The following TPT1 variants were observed in gnomAD, a reference collection of about 807,000 sequenced individuals.
The protein encoded by TPT1 is translationally-controlled tumor protein.
TPT1 carries 5 observed loss-of-function variants against 22.8 expected under a neutral mutation model. The ratio of observed to expected loss-of-function variants is 0.22; its 90% CI spans 0.11 to 0.46. TPT1 has a LOEUF of 0.46. Ranked by LOEUF, TPT1 falls within the 20% of genes least tolerant of loss-of-function variation. The probability of loss-of-function intolerance (pLI) is 0.99; values close to 1 mark genes in which losing one functional copy is unlikely to be tolerated. For missense variants in TPT1, 130 were observed against 218.7 expected (o/e 0.59, Z 2.56); for synonymous variants, 89 against 73.6 (o/e 1.21, Z -1.07).
chr13:45,340,550 G>T (rs540150334), intron 2 of TPT1, 162 bp downstream of exon 2: 1 of 922,118 alleles, frequency 1.1e-6, no homozygotes, highest in Non-Finnish European at 1.7e-6. Context: ...CTATTTCCAG[G>T]ATCAGCTCCG....
At position 45,337,099 on chromosome 13, in the gene TPT1, C is replaced by T; in HGVS notation, c.*287G>A. The stretch of plus-strand genomic sequence containing the variant: ...TAATTGATGAGTAGTAGCCTACAAT[C>T]AGGCTCTAGCTTCTCCAGGAACACT... On this transcript the variant is annotated 3_prime_UTR_variant, in exon 6 of 6. Transcript: ENST00000530705. 1 of 469,134 alleles carries T rather than the reference C, an allele frequency of 2.1e-6. No individual in the cohort carries two copies. Among genetic ancestry groups the T allele is most frequent in the South Asian group, 2.4e-5 (1 of 41,190 alleles). 29.1% of individuals were successfully genotyped at this position (469,134 alleles called of 1,614,324 possible).
Position 45,341,145 on chromosome 13 carries a change from G to T in TPT1, c.-76C>A. ...AACTCGGAGCGAGCGCGGTGCAGCC[G>T]GAGCGGCGCTCGGGGGGAGGGGGGA... On this transcript the variant is annotated 5_prime_UTR_variant, in exon 1 of 6. Coordinates refer to ENST00000530705, the MANE Select transcript of TPT1 (RefSeq NM_003295.4). 1.3e-6 allele frequency: 2 copies of T among 1,585,688 alleles called. No homozygotes were observed. Among genetic ancestry groups the T allele is most frequent in the South Asian group, 1.1e-5 (1 of 88,262 alleles).
chr13:45,340,688 C>A (rs1378288184), intron 2 of TPT1, 24 bp downstream of exon 2: 4 of 1,560,084 alleles, frequency 2.6e-6, no homozygotes, highest in South Asian at 1.2e-5. Context: ...CGGACTCCCC[C>A]ACGCGCAGGC....
Position 45,336,960 on chromosome 13 carries a change from CTT to C in TPT1, c.*424_*425del. ...GTGATGAAATGGGTAAGGCTCCACACTTCAGATGTTGGCACTGCTATGAGCAT... is the reference window on the plus strand; with the variant it reads ...GTGATGAAATGGGTAAGGCTCCACACCAGATGTTGGCACTGCTATGAGCAT... On this transcript the variant is annotated 3_prime_UTR_variant, in exon 6 of 6. Transcript: ENST00000530705. 5.4e-6 allele frequency: 1 copy of C among 184,358 alleles called. No individual in the cohort carries two copies. The highest frequency in any genetic ancestry group is 1.1e-5 in the Non-Finnish European group (1 of 87,866). The allele number at this position is 184,358 out of a possible 1,614,324, so 11.4% of individuals were successfully genotyped here.
chr13:45,339,871 C>T, intron 3 of TPT1, 123 bp downstream of exon 3: 2 of 1,107,972 alleles, frequency 1.8e-6, no homozygotes, highest in South Asian at 1.6e-5. Flanking sequence ...TCCGTGAACT[C>T]ATTAATAAAA....
chr13:45,340,656 G>A (rs754376272), intron 2 of TPT1, 56 bp downstream of exon 2: 14 of 1,541,624 alleles, frequency 9.1e-6, no homozygotes, highest in Middle Eastern at 1.7e-4. Context: ...GGGGAGCGGA[G>A]GAAACCCGAG....
At chr13:45,338,288 T>A (rs1265625927) in intron 5 of TPT1, 2 of 225,382 alleles carry the variant, frequency 8.9e-6, no homozygotes, top group Non-Finnish European at 8.6e-6. Context: ...CCTGGCTAAT[T>A]TTTGTATTTT....
rs1404035388 is a variant in TPT1, at chr13:45,336,065, G to A, written c.*1321C>T. The A allele has an allele frequency of 6.6e-6, 1 of 152,196 alleles. No individual in the cohort carries two copies. Among genetic ancestry groups the A allele is most frequent in the East Asian group, 1.9e-4 (1 of 5,196 alleles). 9.4% of individuals were successfully genotyped at this position (152,196 alleles called of 1,614,324 possible). ...CCCTCCCAGGCTAGGCCTGCACTTT[G>A]GGAGGCTGAGGTGGGCAGATCTCCT... On this transcript the variant is annotated 3_prime_UTR_variant, in exon 6 of 6. Transcript: ENST00000530705.
rs1062420 is a variant in TPT1, at chr13:45,337,036, T to C, written c.*350A>G. On this transcript the variant is annotated 3_prime_UTR_variant, in exon 6 of 6. Coordinates refer to ENST00000530705, the MANE Select transcript of TPT1 (RefSeq NM_003295.4). ...AAAATCAGAACCTTTGATTCTTTTT[T>C]ATATTCCAGTCCCAGAAGTAGTCTC... 0.05 allele frequency: 14,137 copies of C among 280,806 alleles called. 1,104 individuals are homozygous for C. The highest frequency in any genetic ancestry group is 0.21 in the African/African-American group (9,315 of 44,500). 17.4% of individuals were successfully genotyped at this position (280,806 alleles called of 1,614,324 possible).
At chr13:45,337,835 A>C (rs982712524) in intron 5 of TPT1, among the ~76,000 whole-genome samples, 3 of 152,212 alleles carry the variant, frequency 2.0e-5, no homozygotes, top group African/African-American at 7.2e-5. Context: ...AAACTAGGAT[A>C]ATGAATGCCT....
rs1748657220 is a variant in TPT1, at chr13:45,335,234, G to T, written c.*2152C>A. 6.6e-6 allele frequency: 1 copy of T among 152,094 alleles called. No homozygotes were observed. The highest frequency in any genetic ancestry group is 2.4e-5 in the African/African-American group (1 of 41,396). The allele number at this position is 152,094 out of a possible 1,614,324, so 9.4% of individuals were successfully genotyped here. A position where few individuals can be genotyped will look rare whatever the true frequency, so the allele number is the denominator to read the frequency against. On this transcript the variant is annotated 3_prime_UTR_variant, in exon 6 of 6. Transcript: ENST00000530705. ...AAGATTCTACCTGGAATCTTCAAAG[G>T]TTTACCATGAGGTAAACAGCTGGGG...
chr13:45,337,835 A>G (rs982712524), intron 5 of TPT1, among the ~76,000 whole-genome samples: 2 of 152,212 alleles, frequency 1.3e-5, no homozygotes, highest in African/African-American at 4.8e-5. Context: ...AAACTAGGAT[A>G]ATGAATGCCT....
rs567748204 is a variant in TPT1, at chr13:45,337,117, G to A, written c.*269C>T. ...CTACAATCAGGCTCTAGCTTCTCCA[G>A]GAACACTACAGGATCAATTTAGTTT... On this transcript the variant is annotated 3_prime_UTR_variant, in exon 6 of 6. Transcript: ENST00000530705. 2.0e-6 allele frequency: 1 copy of A among 507,510 alleles called. No individual in the cohort carries two copies. The highest frequency in any genetic ancestry group is 2.3e-5 in the South Asian group (1 of 43,888). 31.4% of individuals were successfully genotyped at this position (507,510 alleles called of 1,614,324 possible). A position where few individuals can be genotyped will look rare whatever the true frequency, so the allele number is the denominator to read the frequency against.
Position 45,340,929 on chromosome 13 carries a change from C to T in TPT1, c.28+113G>A, listed in dbSNP as rs1395343825. On this transcript the variant is annotated intron_variant, in intron 1 of 5. Coordinates refer to ENST00000530705, the MANE Select transcript of TPT1 (RefSeq NM_003295.4). The stretch of plus-strand genomic sequence containing the variant: ...AGCCCCGGGCACCGACCCCTCCGCG[C>T]TCGGCTAAGACCGCCGGCGTCCCCT... The T allele has an allele frequency of 7.9e-6, 12 of 1,528,418 alleles. No individual in the cohort carries two copies. In the African/African-American group the frequency reaches 8.3e-5, roughly 11 times the overall value. 94.7% of individuals were successfully genotyped at this position (1,528,418 alleles called of 1,614,324 possible). A position where few individuals can be genotyped will look rare whatever the true frequency, so the allele number is the denominator to read the frequency against.
Position 45,335,810 on chromosome 13 carries a change from G to C in TPT1, c.*1576C>G, listed in dbSNP as rs966798691. ...AAGTTCCCAATACGTATTTAGGTTTGTTTCCAATCACGGGGTGCTGGGGGT... is the reference window on the plus strand; with the variant it reads ...AAGTTCCCAATACGTATTTAGGTTTCTTTCCAATCACGGGGTGCTGGGGGT... On this transcript the variant is annotated 3_prime_UTR_variant, in exon 6 of 6. Transcript: ENST00000530705. 2 of 152,174 alleles carry C rather than the reference G, an allele frequency of 1.3e-5. No individual in the cohort carries two copies. Among genetic ancestry groups the C allele is most frequent in the South Asian group, 4.1e-4 (2 of 4,826 alleles). 9.4% of individuals were successfully genotyped at this position (152,174 alleles called of 1,614,324 possible).
chr13:45,341,166 G>T lies in TPT1; in HGVS notation c.-97C>A. 6.4e-7 allele frequency: 1 copy of T among 1,550,974 alleles called. No individual in the cohort carries two copies. Among genetic ancestry groups the T allele is most frequent in the Non-Finnish European group, 8.8e-7 (1 of 1,141,312 alleles). On this transcript the variant is annotated 5_prime_UTR_variant, in exon 1 of 6. Transcript: ENST00000530705. ...AGCCGGAGCGGCGCTCGGGGGGAGG[G>T]GGGAGCGGGCGGAAAAGGCCGACTC...
In TPT1 at chr13:45,334,298, G is replaced by A. The variant is rs1367163491; in HGVS notation, c.*3088C>T. 1 of 152,188 alleles carries A rather than the reference G, an allele frequency of 6.6e-6. No homozygotes were observed. The highest frequency in any genetic ancestry group is 1.5e-5 in the Non-Finnish European group (1 of 68,050). The allele number at this position is 152,188 out of a possible 1,614,324, so 9.4% of individuals were successfully genotyped here. ...CCTTCTGAGTACAAGTGCAGTGGGAGCACCTCTTAATTACCTTTGTTGGTT... is the reference window on the plus strand; with the variant it reads ...CCTTCTGAGTACAAGTGCAGTGGGAACACCTCTTAATTACCTTTGTTGGTT... On this transcript the variant is annotated 3_prime_UTR_variant, in exon 6 of 6. Coordinates refer to ENST00000530705, the MANE Select transcript of TPT1 (RefSeq NM_003295.4).
In TPT1 at chr13:45,340,700, C is replaced by G. The variant is rs2234217; in HGVS notation, c.102+12G>C. ...GCCCGGACTCCCCCACGCGCAGGCC[C>G]GACCGACTCACCTTCCCCTCCACCT... On this transcript the variant is annotated intron_variant, in intron 2 of 5. Coordinates refer to ENST00000530705, the MANE Select transcript of TPT1 (RefSeq NM_003295.4). 4,767 of 1,547,334 alleles carry G rather than the reference C, an allele frequency of 3.1e-3. 29 individuals carry two copies. The highest frequency in any genetic ancestry group is 0.016 in the South Asian group (1,294 of 81,492).
intron 4 of TPT1, chr13:45,338,993 G>GA: frequency 2.3e-6 from 1 of 441,114 alleles, no homozygotes; most frequent in Non-Finnish European, 4.0e-6. Context: ...AGCAATCCAG[G>GA]AACACTAGGC....
Sources: gnomAD v4.1 joint callset for allele counts (sites outside exome capture counted in the v4.1 genomes callset) on GRCh38, gnomAD v4.1.1 for gene constraint, MANE v1.5 for transcripts, NCBI Gene and HGNC (gene_info 2026-07-23, HGNC 2026-07-21) for gene names.